Variants in RNF180 observed in about 807,000 individuals in gnomAD.
The protein encoded by RNF180 is E3 ubiquitin-protein ligase RNF180.
RNF180 carries 38 observed loss-of-function variants against 59.2 expected under a neutral mutation model. The observed-to-expected ratio is 0.64, with a 90% CI of 0.50 to 0.84. RNF180 has a LOEUF of 0.84. RNF180 is among the 40% of genes least tolerant of loss of function. RNF180 has a pLI of 0.00. For synonymous variants in RNF180, 262 were observed against 240.3 expected (o/e 1.09, Z -0.84); for missense variants, 705 against 700.9 (o/e 1.01, Z -0.07).
chr5:64,168,195 CA>C (rs2111850227), intron 1 of RNF180, among the ~76,000 whole-genome samples: 2 of 152,100 alleles, frequency 1.3e-5, no homozygotes, highest in South Asian at 4.2e-4. Flanking sequence ...ATTTTTTAAT[CA>C]AAAAACTAAT....
chr5:64,289,854 T>C (rs1190162782), intron 5 of RNF180, among the ~76,000 whole-genome samples: 1 of 151,942 alleles, frequency 6.6e-6, no homozygotes, highest in Non-Finnish European at 1.5e-5. Flanking sequence ...GATTTGTTTA[T>C]TTTTTTTGAA....
intron 7 of RNF180, among the ~76,000 whole-genome samples, chr5:64,363,794 T>C (rs1561282109): frequency 6.6e-6 from 1 of 151,894 alleles, no homozygotes; most frequent in Non-Finnish European, 1.5e-5. Context: ...CTTGTAGATA[T>C]CTTTCACCTT....
At chr5:64,210,176 G>A (rs145865682) in intron 2 of RNF180, among the ~76,000 whole-genome samples, 41 of 152,206 alleles carry the variant, frequency 2.7e-4, no homozygotes, top group African/African-American at 9.9e-4. Context: ...ACACTCTTAG[G>A]TGTGTCCCAG....
At position 64,347,409 on chromosome 5, in the gene RNF180, A is replaced by G. The variant is rs142865951; in HGVS notation, c.1579+17003A>G. ...AATTCCAAAAAGTAAGGTTACAACTATCTGGAGAAGAGGGAAGGGGCAGTT... is the reference window on the plus strand; with the variant it reads ...AATTCCAAAAAGTAAGGTTACAACTGTCTGGAGAAGAGGGAAGGGGCAGTT... On this transcript the variant is annotated intron_variant, in intron 7 of 7. Transcript: ENST00000389100. Among the ~76,000 whole-genome samples, 15 of 152,312 alleles carry G rather than the reference A, an allele frequency of 9.8e-5. No homozygotes were observed. In the East Asian group the frequency reaches 2.9e-3, roughly 29 times the overall value.
chr5:64,170,926 T>TG lies in RNF180; in HGVS notation c.-1+4974dup, dbSNP rs1192447779. 2.6e-5 allele frequency among the ~76,000 whole-genome samples: 4 copies of TG among 152,222 alleles called. No homozygotes were observed. In the East Asian group the frequency reaches 7.7e-4, roughly 29 times the overall value. ...AGGTTCCAACAAGCCTTTTTGGTTCTGTGTCTTGAAAGTCTTCCTTTACCT... is the reference window on the plus strand; with the variant it reads ...AGGTTCCAACAAGCCTTTTTGGTTCTGGTGTCTTGAAAGTCTTCCTTTACCT... On this transcript the variant is annotated intron_variant, in intron 1 of 7. Transcript: ENST00000389100.
intron 7 of RNF180, among the ~76,000 whole-genome samples, chr5:64,345,101 A>T (rs758709464): frequency 2.0e-5 from 3 of 152,170 alleles, no homozygotes; most frequent in Admixed American, 6.6e-5. Context: ...TTAAAAATGT[A>T]TAGCCCCTAA....
In RNF180 at chr5:64,214,426, G is replaced by A. The variant is rs1752505917; in HGVS notation, c.1100G>A (p.Ser367Asn). ...CACTCAGCCAATTTTTCATTGGGCAGCATTAATCAGAGGCTTAATAAGAGA... is the reference window on the plus strand; with the variant it reads ...CACTCAGCCAATTTTTCATTGGGCAACATTAATCAGAGGCTTAATAAGAGA... ...FLHSANFSLG[S>N]INQRLNKRER... Residue 367 changes from serine (S) to asparagine (N), a missense_variant, in exon 4 of 8, where the codon AGC becomes AAC. Transcript: ENST00000389100. The A allele has an allele frequency of 6.2e-7, 1 of 1,613,966 alleles. No individual in the cohort carries two copies. The highest frequency in any genetic ancestry group is 1.1e-5 in the South Asian group (1 of 91,082).
intron 7 of RNF180, among the ~76,000 whole-genome samples, chr5:64,335,506 T>G (rs1195648132): frequency 6.7e-6 from 1 of 149,544 alleles, no homozygotes; most frequent in Non-Finnish European, 1.5e-5. Context: ...ACCCAGTTTC[T>G]TTGGATTTTT....
intron 5 of RNF180, among the ~76,000 whole-genome samples, chr5:64,273,247 G>A (rs1484244289): frequency 2.0e-5 from 3 of 151,938 alleles, no homozygotes; most frequent in African/African-American, 7.2e-5. Context: ...CAGTTCTGGG[G>A]GGAATTGCCC....
intron 7 of RNF180, among the ~76,000 whole-genome samples, chr5:64,351,465 C>A (rs1460002372): frequency 1.3e-5 from 2 of 152,120 alleles, no homozygotes; most frequent in South Asian, 2.1e-4. Flanking sequence ...TGAGAGAGGG[C>A]ATCCCTGTCT....
chr5:64,321,393 A>G (rs1744340186), intron 5 of RNF180, among the ~76,000 whole-genome samples: 1 of 152,174 alleles, frequency 6.6e-6, no homozygotes, highest in South Asian at 2.1e-4. Context: ...ACAAACAGCC[A>G]AATCATGAAT....
At chr5:64,240,024 A>G (rs958254908) in intron 5 of RNF180, among the ~76,000 whole-genome samples, 3 of 152,158 alleles carry the variant, frequency 2.0e-5, no homozygotes, top group African/African-American at 4.8e-5. Context: ...AGAAATACAC[A>G]TTTGCCCTAT....
intron 5 of RNF180, among the ~76,000 whole-genome samples, chr5:64,252,254 A>AG (rs1743627339): frequency 6.6e-6 from 1 of 152,192 alleles, no homozygotes; most frequent in African/African-American, 2.4e-5. Context: ...TTTTCAACAA[A>AG]GGTGCCAAGA....
At chr5:64,333,893 T>C (rs1477482245) in intron 7 of RNF180, among the ~76,000 whole-genome samples, 1 of 152,192 alleles carries the variant, frequency 6.6e-6, no homozygotes, top group Non-Finnish European at 1.5e-5. Context: ...AGCTGAGTTA[T>C]CAGGTGTCTG....
chr5:64,256,297 T>A (rs568536804), intron 5 of RNF180, among the ~76,000 whole-genome samples: 37 of 152,316 alleles, frequency 2.4e-4, no homozygotes, highest in African/African-American at 8.9e-4. Context: ...CTGAATTGTA[T>A]TGCCTAGGTT....
At chr5:64,333,529 A>G (rs1745001261) in intron 7 of RNF180, among the ~76,000 whole-genome samples, 1 of 152,230 alleles carries the variant, frequency 6.6e-6, no homozygotes, top group Non-Finnish European at 1.5e-5. Context: ...AATGTAAGAA[A>G]TCGAGTCTTA....
chr5:64,270,379 G>T (rs1173674267), intron 5 of RNF180, among the ~76,000 whole-genome samples: 1 of 152,130 alleles, frequency 6.6e-6, no homozygotes, highest in African/African-American at 2.4e-5. Flanking sequence ...TTATTTCCCT[G>T]TATAGTCATC....
intron 5 of RNF180, among the ~76,000 whole-genome samples, chr5:64,301,169 T>C (rs1378632322): frequency 2.6e-5 from 4 of 151,816 alleles, no homozygotes; most frequent in African/African-American, 9.7e-5. Context: ...CTATTTCTCT[T>C]AGCCCTTCCT....
chr5:64,226,824 G>A (rs1485924684), intron 5 of RNF180, among the ~76,000 whole-genome samples: 2 of 152,200 alleles, frequency 1.3e-5, no homozygotes, highest in Non-Finnish European at 2.9e-5. Flanking sequence ...TGGAAATCAG[G>A]AAGAATGTAA....
Sources: gnomAD v4.1 joint callset for allele counts (sites outside exome capture counted in the v4.1 genomes callset) on GRCh38, gnomAD v4.1.1 for gene constraint, MANE v1.5 for transcripts, NCBI Gene and HGNC (gene_info 2026-07-23, HGNC 2026-07-21) for gene names.